The following CRYZL1 variants were observed in gnomAD, a reference collection of about 807,000 sequenced individuals.
CRYZL1 encodes ferry endosomal RAB5 effector complex subunit 4.
CRYZL1 carries 34 observed loss-of-function variants against 50.6 expected under a neutral mutation model. The observed-to-expected ratio is 0.67, with a 90% confidence interval of 0.51 to 0.89. The LOEUF is 0.89. Among genes scored for constraint, CRYZL1 ranks in the 40% least tolerant of loss-of-function variants. The pLI is 0.00. For missense variants in CRYZL1, 354 were observed against 402.3 expected, an observed-to-expected ratio of 0.88 and a Z score of 1.03; for synonymous variants, 125 against 134.3, an observed-to-expected ratio of 0.93 and a Z score of 0.48.
chr21:33,594,638 CTTTTTTTTTTTTT>C (rs71322232), intron 11 of CRYZL1: 1 of 105,318 alleles, frequency 9.5e-6, no homozygotes, highest in East Asian at 2.6e-4. Flanking sequence ...AATTACGTAA[CTTTTTTTTTTTTT>C]TTTTTTTTTT....
intron 2 of CRYZL1, among the ~76,000 whole-genome samples, chr21:33,626,804 A>T (rs2087070611): frequency 6.6e-6 from 1 of 152,182 alleles, no homozygotes; most frequent in Non-Finnish European, 1.5e-5. Flanking sequence ...CACCTCATCT[A>T]AACAACTGAA....
intron 1 of CRYZL1, among the ~76,000 whole-genome samples, chr21:33,632,287 G>A (rs1055299669): frequency 6.6e-6 from 1 of 151,850 alleles, no homozygotes; most frequent in Admixed American, 6.6e-5. Flanking sequence ...AGCCGAGATC[G>A]CGCCATTGCA....
intron 6 of CRYZL1, among the ~76,000 whole-genome samples, chr21:33,606,915 G>A (rs1322733725): frequency 2.6e-5 from 4 of 152,134 alleles, no homozygotes; most frequent in African/African-American, 4.8e-5. Flanking sequence ...GGAGGCTGAG[G>A]CAGGAGAATC....
At chr21:33,602,429 G>T in intron 7 of CRYZL1, 84 bp from the exon 8 acceptor site, 3 of 523,568 alleles carry the variant, frequency 5.7e-6, no homozygotes, top group Non-Finnish European at 6.7e-6. Context: ...ATTTAATAAA[G>T]TATAATTCTT....
intron 8 of CRYZL1, among the ~76,000 whole-genome samples, chr21:33,601,006 G>C (rs1431070681): frequency 7.4e-6 from 1 of 135,958 alleles, no homozygotes; most frequent in Non-Finnish European, 1.5e-5. Flanking sequence ...ACACGATCTC[G>C]GCTCACTGCA....
At chr21:33,590,912 C>T (rs1446676108) in intron 12 of CRYZL1, among the ~76,000 whole-genome samples, 4 of 152,180 alleles carry the variant, frequency 2.6e-5, no homozygotes, top group Admixed American at 1.3e-4. Context: ...ACTGGTGTAC[C>T]ACCAGATACA....
At chr21:33,620,894 T>G in intron 4 of CRYZL1, among the ~76,000 whole-genome samples, 1 of 130,692 alleles carries the variant, frequency 7.7e-6, no homozygotes, top group South Asian at 2.6e-4. Context: ...AGACCAGGGG[T>G]GTCCAATCTT....
chr21:33,595,539 G>T, intron 11 of CRYZL1, 192 bp downstream of exon 11: 1 of 1,266,582 alleles, frequency 7.9e-7, no homozygotes. Context: ...CTGTGAAATG[G>T]GGATGATAAC....
intron 1 of CRYZL1, among the ~76,000 whole-genome samples, chr21:33,638,840 G>C (rs2087242498): frequency 6.6e-6 from 1 of 152,204 alleles, no homozygotes; most frequent in Non-Finnish European, 1.5e-5. Flanking sequence ...CCTATCACTA[G>C]AGGGACTGAA....
chr21:33,608,949 A>G (rs997161396), intron 6 of CRYZL1, among the ~76,000 whole-genome samples: 2 of 152,200 alleles, frequency 1.3e-5, no homozygotes, highest in African/African-American at 2.4e-5. Context: ...TAATGACTGT[A>G]CTAGTTTACA....
chr21:33,605,082 T>A (rs894486026), intron 6 of CRYZL1, among the ~76,000 whole-genome samples: 4 of 152,190 alleles, frequency 2.6e-5, no homozygotes, highest in African/African-American at 9.6e-5. Flanking sequence ...CTAAAAGAGG[T>A]TGAGCATCTT....
At chr21:33,604,078 C>T (rs2086784706) in intron 6 of CRYZL1, among the ~76,000 whole-genome samples, 1 of 151,140 alleles carries the variant, frequency 6.6e-6, no homozygotes, top group South Asian at 2.1e-4. Flanking sequence ...CGGTGAAACC[C>T]CGTCTCTGGC....
At chr21:33,619,763 T>A (rs2086973632) in intron 4 of CRYZL1, among the ~76,000 whole-genome samples, 1 of 152,180 alleles carries the variant, frequency 6.6e-6, no homozygotes, top group Non-Finnish European at 1.5e-5. Context: ...CAGGACTTTA[T>A]CTTGCTCTAG....
intron 1 of CRYZL1, among the ~76,000 whole-genome samples, chr21:33,632,288 C>T (rs894254596): frequency 2.0e-5 from 3 of 151,842 alleles, no homozygotes; most frequent in Admixed American, 6.6e-5. Flanking sequence ...GCCGAGATCG[C>T]GCCATTGCAC....
Position 33,604,528 on chromosome 21 carries a change from CAA to C in CRYZL1, c.332-993_332-992del, listed in dbSNP as rs34132721. On this transcript the variant is annotated intron_variant, in intron 6 of 12. Transcript: ENST00000381554. ...TGGGTGACAGAGCAAGACTCCGTCT[CAA>C]AAAAAAAAAAAAAAAAATTTCATAT... Among the ~76,000 whole-genome samples, 720 of 115,572 alleles carry C rather than the reference CAA, an allele frequency of 6.2e-3. 4 individuals carry two copies. The highest frequency in any genetic ancestry group is 0.019 in the African/African-American group (562 of 30,020). The allele number at this position is 115,572 out of a possible 152,430, so 75.8% of individuals were successfully genotyped here.
intron 7 of CRYZL1, 148 bp downstream of exon 7, chr21:33,603,256 G>C: frequency 1.2e-6 from 1 of 862,784 alleles, no homozygotes; most frequent in Non-Finnish European, 1.7e-6. Flanking sequence ...GATAAAAGCT[G>C]CTTATTATAA....
intron 6 of CRYZL1, among the ~76,000 whole-genome samples, chr21:33,612,396 C>T (rs1215292938): frequency 6.6e-6 from 1 of 151,922 alleles, no homozygotes; most frequent in South Asian, 2.1e-4. Flanking sequence ...AAGTGATTCT[C>T]CTGCCTCAGC....
At chr21:33,635,748 C>T (rs1182610089) in intron 1 of CRYZL1, among the ~76,000 whole-genome samples, 1 of 151,732 alleles carries the variant, frequency 6.6e-6, no homozygotes, top group Non-Finnish European at 1.5e-5. Context: ...TTTGGGAGAC[C>T]GAGGCGGGTG....
At chr21:33,608,949 A>C (rs997161396) in intron 6 of CRYZL1, among the ~76,000 whole-genome samples, 1 of 152,200 alleles carries the variant, frequency 6.6e-6, no homozygotes, top group African/African-American at 2.4e-5. Context: ...TAATGACTGT[A>C]CTAGTTTACA....
Sources: gnomAD v4.1 joint callset for allele counts (sites outside exome capture counted in the v4.1 genomes callset) on GRCh38, gnomAD v4.1.1 for gene constraint, MANE v1.5 for transcripts, NCBI Gene and HGNC (gene_info 2026-07-23, HGNC 2026-07-21) for gene names.